Variants in GALNT16 observed in about 807,000 individuals in gnomAD.
GALNT16 encodes the protein polypeptide N-acetylgalactosaminyltransferase 16.
Under a neutral mutation model 76.1 loss-of-function variants are expected in GALNT16, and 40 were observed. The ratio of observed to expected loss-of-function variants is 0.53; its 90% CI spans 0.41 to 0.68. GALNT16 has a LOEUF of 0.68. Ranked by LOEUF, GALNT16 falls within the 30% of genes least tolerant of loss-of-function variation. GALNT16 has a pLI of 0.00. For missense variants in GALNT16, 621 were observed against 731.9 expected (o/e 0.85, Z 1.75); for synonymous variants, 276 against 285.2 (o/e 0.97, Z 0.32).
At chr14:69,275,609 C>A (rs1167306302) in intron 1 of GALNT16, among the ~76,000 whole-genome samples, 1 of 152,220 alleles carries the variant, frequency 6.6e-6, no homozygotes, top group Non-Finnish European at 1.5e-5. Flanking sequence ...GTAATCCCAG[C>A]ACTTGGGGAG....
chr14:69,297,552 T>C (rs1289348326), intron 1 of GALNT16, among the ~76,000 whole-genome samples: 1 of 152,150 alleles, frequency 6.6e-6, no homozygotes, highest in African/African-American at 2.4e-5. Flanking sequence ...TTTTAGTACT[T>C]AGCTCACTTT....
intron 12 of GALNT16, among the ~76,000 whole-genome samples, chr14:69,345,163 A>T (rs895150442): frequency 1.3e-5 from 2 of 152,238 alleles, no homozygotes; most frequent in Non-Finnish European, 2.9e-5. Flanking sequence ...GAAGGTTTCT[A>T]TGTAACCTTA....
At chr14:69,329,614 A>C (rs924325210) in intron 6 of GALNT16, among the ~76,000 whole-genome samples, 1 of 152,118 alleles carries the variant, frequency 6.6e-6, no homozygotes, top group Admixed American at 6.5e-5. Flanking sequence ...AATACCTGAG[A>C]CTGGATAACT....
the GALNT16 span, among the ~76,000 whole-genome samples, chr14:69,369,532 G>A: frequency 6.6e-6 from 1 of 151,986 alleles, no homozygotes; most frequent in African/African-American, 2.4e-5. Context: ...GTGAACCACT[G>A]GCATGTGTCT....
At chr14:69,377,318 TGTGATCTGGTGAATCACTTAG>T in the GALNT16 span, among the ~76,000 whole-genome samples, 41 of 152,354 alleles carry the variant, frequency 2.7e-4, no homozygotes, top group East Asian at 7.5e-3. Context: ...GGTATTGCTT[TGTGATCTGGTGAATCACTTAG>T]GCAATCTAAA....
intron 1 of GALNT16, among the ~76,000 whole-genome samples, chr14:69,310,436 A>G (rs1417225787): frequency 1.3e-5 from 2 of 152,166 alleles, no homozygotes; most frequent in Non-Finnish European, 2.9e-5. Context: ...ACATCACTGA[A>G]TCTTTTCCAA....
chr14:69,274,540 C>T (rs557222781), intron 1 of GALNT16, among the ~76,000 whole-genome samples: 2 of 152,192 alleles, frequency 1.3e-5, no homozygotes, highest in African/African-American at 4.8e-5. Context: ...GGCAAAAGAC[C>T]TCAGTTCTCC....
chr14:69,344,955 G>T (rs2045542595), intron 12 of GALNT16, among the ~76,000 whole-genome samples: 1 of 152,212 alleles, frequency 6.6e-6, no homozygotes, highest in African/African-American at 2.4e-5. Context: ...TCTTACAGTG[G>T]TCAGGCAGGT....
rs2045649886 is a variant in GALNT16 at position 69,352,379 on chromosome 14, GC to G, written c.*215del. The G allele has an allele frequency of 1.8e-6, 1 of 558,212 alleles. No individual in the cohort carries two copies. The highest frequency in any genetic ancestry group is 1.9e-5 in the African/African-American group (1 of 53,098). The allele number at this position is 558,212 out of a possible 1,614,324, so 34.6% of individuals were successfully genotyped here. On this transcript the variant is annotated 3_prime_UTR_variant, in exon 15 of 15. Coordinates refer to ENST00000448469, the MANE Select transcript of GALNT16 (RefSeq NM_001168368.2). ...ATGCCCTCAGTGCTGTCCTGGCCTT[GC>G]CCCGGGAGAGGAGATGGTCAGGGTG...
Position 69,260,383 on chromosome 14 carries a change from C to T in GALNT16, c.93C>T (p.His31=). The T allele has an allele frequency of 6.2e-7, 1 of 1,610,474 alleles. No individual in the cohort carries two copies. Among genetic ancestry groups the T allele is most frequent in the East Asian group, 2.2e-5 (1 of 44,684 alleles). Residue 31 remains histidine (H), a synonymous_variant, in exon 1 of 15, where the codon CAC becomes CAT. Transcript: ENST00000448469. ...FYYLWQDNRA[H]AASSGGRGAQ... ...ACTTATGGCAGGACAACCGAGCCCA[C>T]GCAGCATCCTCCGGCGGCCGGGGCG...
intron 1 of GALNT16, among the ~76,000 whole-genome samples, chr14:69,271,165 G>A (rs116675198): frequency 0.014 from 2,166 of 152,248 alleles, 58 homozygotes; most frequent in African/African-American, 0.05. Flanking sequence ...GATGCACCCC[G>A]GAATTGCCAA....
At chr14:69,292,544 A>G (rs2044699937) in intron 1 of GALNT16, among the ~76,000 whole-genome samples, 1 of 152,216 alleles carries the variant, frequency 6.6e-6, no homozygotes, top group African/African-American at 2.4e-5. Context: ...GTCTCCTTCC[A>G]TACCCTTGGC....
intron 6 of GALNT16, among the ~76,000 whole-genome samples, chr14:69,329,974 T>C (rs989904189): frequency 3.9e-5 from 6 of 152,122 alleles, no homozygotes; most frequent in Non-Finnish European, 8.8e-5. Context: ...GGAGCCTTCA[T>C]ATATTGCTGG....
intron 1 of GALNT16, among the ~76,000 whole-genome samples, chr14:69,300,067 G>A (rs2044828402): frequency 6.6e-6 from 1 of 152,172 alleles, no homozygotes; most frequent in African/African-American, 2.4e-5. Context: ...TTTTAGGAAG[G>A]GATGTTTCCT....
the GALNT16 span, among the ~76,000 whole-genome samples, chr14:69,366,994 C>A: frequency 6.6e-6 from 1 of 152,058 alleles, no homozygotes; most frequent in African/African-American, 2.4e-5. Flanking sequence ...CTGAATGGAG[C>A]CTTAACCTAT....
chr14:69,341,130 G>T (rs1157409867), intron 11 of GALNT16, among the ~76,000 whole-genome samples: 2 of 152,134 alleles, frequency 1.3e-5, no homozygotes, highest in African/African-American at 4.8e-5. Context: ...GAGATGAGTG[G>T]TCGTGTCCCC....
chr14:69,340,315 A>G (rs2045470207), intron 11 of GALNT16, among the ~76,000 whole-genome samples: 1 of 152,118 alleles, frequency 6.6e-6, no homozygotes, highest in Non-Finnish European at 1.5e-5. Flanking sequence ...AGTCCCTGAT[A>G]TAAAATAGTG....
chr14:69,341,124 T>A (rs1387346099), intron 11 of GALNT16, among the ~76,000 whole-genome samples: 1 of 152,188 alleles, frequency 6.6e-6, no homozygotes, highest in East Asian at 1.9e-4. Context: ...CCTTCTGAGA[T>A]GAGTGGTCGT....
At chr14:69,336,087 C>A (rs1023521304) in intron 9 of GALNT16, among the ~76,000 whole-genome samples, 2 of 152,178 alleles carry the variant, frequency 1.3e-5, no homozygotes, top group Non-Finnish European at 2.9e-5. Context: ...CTTCTCCCAC[C>A]CTGCCTCACT....
Sources: gnomAD v4.1 joint callset for allele counts (sites outside exome capture counted in the v4.1 genomes callset) on GRCh38, gnomAD v4.1.1 for gene constraint, MANE v1.5 for transcripts, NCBI Gene and HGNC (gene_info 2026-07-23, HGNC 2026-07-21) for gene names.